The following RAB1A variants were observed in gnomAD, a reference collection of about 807,000 sequenced individuals.
RAB1A encodes ras-related protein Rab-1A.
Under a neutral mutation model 26.0 loss-of-function variants are expected in RAB1A, and 2 were observed. The observed-to-expected ratio is 0.08, with a 90% CI of 0.03 to 0.24. The LOEUF (loss-of-function observed/expected upper bound fraction) is 0.24. Among genes scored for constraint, RAB1A ranks in the 10% least tolerant of loss-of-function variants. The pLI, the probability that RAB1A is intolerant of heterozygous loss-of-function variation, is 1.00. For synonymous variants in RAB1A, 84 were observed against 84.9 expected, an observed-to-expected ratio of 0.99 and a Z score of 0.06; for missense variants, 100 against 247.0, an observed-to-expected ratio of 0.40 and a Z score of 3.99.
intron 1 of RAB1A, among the ~76,000 whole-genome samples, chr2:65,128,900 C>T (rs1282449333): frequency 6.6e-6 from 1 of 152,128 alleles, no homozygotes; most frequent in African/African-American, 2.4e-5. Flanking sequence ...GAAGTGAACA[C>T]CAGTTCCCAG....
At chr2:65,106,166 A>G (rs10187798) in intron 1 of RAB1A, among the ~76,000 whole-genome samples, 124,662 of 152,164 alleles carry the variant, frequency 0.82, 51,162 homozygotes, top group African/African-American at 0.83. Context: ...ATTCACCCAC[A>G]GTCTCCAAGG....
At chr2:65,111,479 C>T (rs1669692802) in intron 1 of RAB1A, among the ~76,000 whole-genome samples, 1 of 151,978 alleles carries the variant, frequency 6.6e-6, no homozygotes, top group Admixed American at 6.6e-5. Context: ...GAAGGAAAGA[C>T]TGAGAAACTG....
intron 1 of RAB1A, among the ~76,000 whole-genome samples, chr2:65,112,086 AAAAACAAAAC>A (rs1049335899): frequency 1.3e-5 from 2 of 152,180 alleles, no homozygotes; most frequent in East Asian, 1.9e-4. Flanking sequence ...CCATCTCAAA[AAAAACAAAAC>A]AAAACAAAAC....
chr2:65,088,375 G>A lies in RAB1A; in HGVS notation c.*118C>T. On this transcript the variant is annotated 3_prime_UTR_variant, in exon 6 of 6. Coordinates refer to ENST00000409784, the MANE Select transcript of RAB1A (RefSeq NM_004161.5). ...ACCATTTACAATCTCTGACCTTTGTGGAGACGGTAAGAATCTGTTGTAGTG... is the reference window on the plus strand; with the variant it reads ...ACCATTTACAATCTCTGACCTTTGTAGAGACGGTAAGAATCTGTTGTAGTG... 1.2e-6 allele frequency: 1 copy of A among 828,074 alleles called. No individual in the cohort carries two copies. Among genetic ancestry groups the A allele is most frequent in the Non-Finnish European group, 1.8e-6 (1 of 551,002 alleles). The allele number at this position is 828,074 out of a possible 1,614,324, so 51.3% of individuals were successfully genotyped here.
chr2:65,112,374 T>C (rs1049051611), intron 1 of RAB1A, among the ~76,000 whole-genome samples: 1 of 152,042 alleles, frequency 6.6e-6, no homozygotes, highest in Non-Finnish European at 1.5e-5. Flanking sequence ...CTCAAACTCC[T>C]GACCTCAAGT....
chr2:65,128,350 A>G, intron 1 of RAB1A, among the ~76,000 whole-genome samples: 1 of 152,336 alleles, frequency 6.6e-6, no homozygotes, highest in South Asian at 2.1e-4. Flanking sequence ...ATAAACCTCG[A>G]TAAAGCAGTA....
intron 1 of RAB1A, among the ~76,000 whole-genome samples, chr2:65,110,251 C>T (rs1009155138): frequency 6.6e-6 from 1 of 152,044 alleles, no homozygotes; most frequent in African/African-American, 2.4e-5. Flanking sequence ...ACCATCCTGG[C>T]TAACATGGTG....
rs546474851 is a variant in RAB1A at position 65,101,405 on chromosome 2, T to C, written c.96+3329A>G. ...CTTCCCTCTGTGCCCCCAGAGCTTA[T>C]TGCACATTTCTTTATTATAGTCCTC... On this transcript the variant is annotated intron_variant, in intron 2 of 5. Transcript: ENST00000409784. Among the ~76,000 whole-genome samples the C allele has an allele frequency of 7.2e-5, 11 of 152,302 alleles. No individual in the cohort carries two copies. The East Asian group carries it at 1.9e-3, about 27-fold the overall frequency.
chr2:65,102,877 G>A (rs1303415874), intron 2 of RAB1A, among the ~76,000 whole-genome samples: 1 of 150,418 alleles, frequency 6.6e-6, no homozygotes, highest in Non-Finnish European at 1.5e-5. Flanking sequence ...AGTGAGCCGA[G>A]ATTGTGCCAC....
At chr2:65,107,232 A>G (rs1164566517) in intron 1 of RAB1A, among the ~76,000 whole-genome samples, 1 of 151,420 alleles carries the variant, frequency 6.6e-6, no homozygotes, top group East Asian at 2.0e-4. Flanking sequence ...CACCCAGCTA[A>G]TTTTTGTATT....
chr2:65,111,087 C>A (rs1207493926), intron 1 of RAB1A, among the ~76,000 whole-genome samples: 1 of 152,016 alleles, frequency 6.6e-6, no homozygotes, highest in Non-Finnish European at 1.5e-5. Context: ...ATTGGCCAGG[C>A]ATGGTGGCTC....
In RAB1A at chr2:65,103,816, G is replaced by A. The variant is rs1344064611; in HGVS notation, c.96+918C>T. On this transcript the variant is annotated intron_variant, in intron 2 of 5. Coordinates refer to ENST00000409784, the MANE Select transcript of RAB1A (RefSeq NM_004161.5). ...TTTTTTTTTGAGACAGTCTTGCTCT[G>A]TTGCCAGGCTGGAGTGCAGTGGCAC... Among the ~76,000 whole-genome samples the A allele has an allele frequency of 2.7e-5, 4 of 150,658 alleles. No individual in the cohort carries two copies. The East Asian group carries it at 7.8e-4, about 29-fold the overall frequency.
intron 3 of RAB1A, among the ~76,000 whole-genome samples, chr2:65,095,602 G>A (rs1669265101): frequency 6.8e-6 from 1 of 147,240 alleles, no homozygotes; most frequent in African/African-American, 2.5e-5. Context: ...GGCCTCAAGT[G>A]ACTCTCTGAC....
intron 1 of RAB1A, among the ~76,000 whole-genome samples, chr2:65,129,221 T>G (rs1381173666): frequency 6.8e-6 from 1 of 147,942 alleles, no homozygotes; most frequent in Non-Finnish European, 1.5e-5. Context: ...AACAAAATTC[T>G]CACAAATGCC....
At chr2:65,115,425 C>A (rs542580587) in intron 1 of RAB1A, among the ~76,000 whole-genome samples, 1 of 152,286 alleles carries the variant, frequency 6.6e-6, no homozygotes, top group African/African-American at 2.4e-5. Flanking sequence ...CTTCTTCACT[C>A]ACTTTAAGTA....
intron 2 of RAB1A, among the ~76,000 whole-genome samples, chr2:65,102,002 G>A (rs868145469): frequency 1.3e-5 from 2 of 152,006 alleles, no homozygotes; most frequent in Non-Finnish European, 2.9e-5. Context: ...GCCAGCCTCA[G>A]CCTCTAAATG....
rs1669084025 is a variant in RAB1A at position 65,088,288 on chromosome 2, AAC to A, written c.*203_*204del. 1.8e-5 allele frequency: 9 copies of A among 513,702 alleles called. No individual in the cohort carries two copies. The highest frequency in any genetic ancestry group is 2.0e-5 in the Non-Finnish European group (6 of 293,216). The allele number at this position is 513,702 out of a possible 1,614,324, so 31.8% of individuals were successfully genotyped here. ...TATAAACCAGCACACAAAGGTTTAA[AAC>A]AGTTCTGAAAATGAAGTTAGCTGTC... On this transcript the variant is annotated 3_prime_UTR_variant, in exon 6 of 6. Transcript: ENST00000409784.
chr2:65,125,801 CA>C (rs200517712), intron 1 of RAB1A, among the ~76,000 whole-genome samples: 6 of 146,244 alleles, frequency 4.1e-5, no homozygotes, highest in East Asian at 2.0e-4. Context: ...TTCAGATCCT[CA>C]AAAAAAAGCT....
At chr2:65,102,261 T>C (rs1669448206) in intron 2 of RAB1A, among the ~76,000 whole-genome samples, 2 of 152,160 alleles carry the variant, frequency 1.3e-5, no homozygotes, top group Admixed American at 6.5e-5. Flanking sequence ...CAGTGATTTC[T>C]TGCTTTTTTC....
Sources: gnomAD v4.1 joint callset for allele counts (sites outside exome capture counted in the v4.1 genomes callset) on GRCh38, gnomAD v4.1.1 for gene constraint, MANE v1.5 for transcripts, NCBI Gene and HGNC (gene_info 2026-07-23, HGNC 2026-07-21) for gene names.